Variants in NHLRC2 observed in about 807,000 individuals in gnomAD.
NHLRC2 encodes NHL repeat containing 2, also known as NHL repeat-containing protein 2.
In NHLRC2, 33 loss-of-function variants were observed where a neutral mutation model predicts 68.1. The observed-to-expected ratio is 0.48, with a 90% CI of 0.37 to 0.65. The LOEUF is 0.65. NHLRC2 is among the 30% of genes least tolerant of loss of function. NHLRC2 has a pLI of 0.00. For synonymous variants in NHLRC2, 311 were observed against 309.6 expected (o/e 1.00, Z -0.05); for missense variants, 761 against 853.8 (o/e 0.89, Z 1.35).
chr10:113,895,422 A>G (rs1846167823), intron 5 of NHLRC2, among the ~76,000 whole-genome samples: 1 of 152,172 alleles, frequency 6.6e-6, no homozygotes, highest in Non-Finnish European at 1.5e-5. Flanking sequence ...AGATAGTGAT[A>G]AATTCTACAG....
intron 6 of NHLRC2, among the ~76,000 whole-genome samples, chr10:113,900,755 G>A (rs1846220702): frequency 6.6e-6 from 1 of 152,120 alleles, no homozygotes; most frequent in Non-Finnish European, 1.5e-5. Context: ...TTTTATGCGT[G>A]CTAAATCCCT....
intron 1 of NHLRC2, among the ~76,000 whole-genome samples, chr10:113,858,269 G>C (rs1045896940): frequency 2.0e-5 from 3 of 147,882 alleles, no homozygotes; most frequent in Non-Finnish European, 4.5e-5. Flanking sequence ...TTGCCTTTTT[G>C]GTATGTTCTT....
At chr10:113,860,516 G>A (rs1845805046) in intron 2 of NHLRC2, among the ~76,000 whole-genome samples, 1 of 151,956 alleles carries the variant, frequency 6.6e-6, no homozygotes, top group Admixed American at 6.6e-5. Context: ...GAACAGGGAA[G>A]TACAGCCCAT....
chr10:113,911,969 G>A lies in NHLRC2; in HGVS notation c.*3433G>A, dbSNP rs565685010. On this transcript the variant is annotated 3_prime_UTR_variant, in exon 11 of 11. Coordinates refer to ENST00000369301, the MANE Select transcript of NHLRC2 (RefSeq NM_198514.4). ...TTAAAGAGTTAAAGTTAACTGAATC[G>A]TAAGCACTTATATAATAACTTTTTA... is the stretch of plus-strand genomic sequence containing the variant. 4.0e-4 allele frequency: 61 copies of A among 152,102 alleles called. No homozygotes were observed. Among genetic ancestry groups the A allele is most frequent in the African/African-American group, 1.4e-3 (57 of 41,526 alleles). 9.4% of individuals were successfully genotyped at this position (152,102 alleles called of 1,614,324 possible). A position where few individuals can be genotyped will look rare whatever the true frequency, so the allele number is the denominator to read the frequency against.
intron 2 of NHLRC2, among the ~76,000 whole-genome samples, chr10:113,860,540 A>AGT (rs1428502320): frequency 1.3e-5 from 2 of 152,216 alleles, no homozygotes; most frequent in Non-Finnish European, 2.9e-5. Context: ...AGAACAGGGA[A>AGT]GTACAGCCCA....
rs1846310254 is a variant in NHLRC2, at chr10:113,909,887, A to G, written c.*1351A>G. On this transcript the variant is annotated 3_prime_UTR_variant, in exon 11 of 11. Coordinates refer to ENST00000369301, the MANE Select transcript of NHLRC2 (RefSeq NM_198514.4). ...CCCTTCCCTGTAAAAACAGTGCTAA[A>G]TTTGAAGTGTAATCTTTTTTAAACA... The G allele has an allele frequency of 6.6e-6, 1 of 152,162 alleles. No individual in the cohort carries two copies. The highest frequency in any genetic ancestry group is 2.1e-4 in the South Asian group (1 of 4,824). The allele number at this position is 152,162 out of a possible 1,614,324, so 9.4% of individuals were successfully genotyped here. A position where few individuals can be genotyped will look rare whatever the true frequency, so the allele number is the denominator to read the frequency against.
At chr10:113,892,810 G>A (rs574625917) in intron 5 of NHLRC2, among the ~76,000 whole-genome samples, 2 of 152,168 alleles carry the variant, frequency 1.3e-5, no homozygotes, top group South Asian at 4.2e-4. Flanking sequence ...TGTGACTTTG[G>A]ACAAGTTTCA....
chr10:113,907,264 C>CT (rs1322698336), intron 10 of NHLRC2, among the ~76,000 whole-genome samples: 1 of 152,142 alleles, frequency 6.6e-6, no homozygotes, highest in Non-Finnish European at 1.5e-5. Context: ...ATCAAGAGGA[C>CT]TGATAAAGGC....
chr10:113,876,822 A>G lies in NHLRC2; in HGVS notation c.633A>G (p.Ile211Met). The G allele has an allele frequency of 1.9e-6, 3 of 1,612,908 alleles. No homozygotes were observed. Among genetic ancestry groups the G allele is most frequent in the Admixed American group, 1.7e-5 (1 of 59,932 alleles). Residue 211 changes from isoleucine to methionine, a missense_variant, in exon 3 of 11, where the codon ATA (isoleucine) becomes ATG (methionine). Physicochemically the swap from Ile to Met is conservative, Grantham distance 10. Transcript: ENST00000369301. ...RGQIRDNKIG[I>M]KLYKDSLPPS... The stretch of plus-strand genomic sequence containing the variant: ...AGATCAGAGATAATAAAATTGGAAT[A>G]AAACTCTATAAAGATTCTTTGCCAC...
chr10:113,882,303 C>T (rs1846042086), intron 4 of NHLRC2, among the ~76,000 whole-genome samples: 1 of 151,740 alleles, frequency 6.6e-6, no homozygotes, highest in Non-Finnish European at 1.5e-5. Flanking sequence ...ATTGCACCAT[C>T]TTACCTTCCC....
intron 2 of NHLRC2, among the ~76,000 whole-genome samples, chr10:113,866,306 A>G (rs1313320702): frequency 6.6e-6 from 1 of 152,246 alleles, no homozygotes; most frequent in Non-Finnish European, 1.5e-5. Flanking sequence ...ATTAATAATA[A>G]CTTAGTACAT....
chr10:113,866,337 G>T (rs1410441585), intron 2 of NHLRC2, among the ~76,000 whole-genome samples: 1 of 152,126 alleles, frequency 6.6e-6, no homozygotes, highest in Non-Finnish European at 1.5e-5. Context: ...AACTGCAAGT[G>T]ATATTTTACC....
At chr10:113,865,783 A>G (rs1405508325) in intron 2 of NHLRC2, among the ~76,000 whole-genome samples, 1 of 152,160 alleles carries the variant, frequency 6.6e-6, no homozygotes, top group Non-Finnish European at 1.5e-5. Context: ...AAAGATTTTT[A>G]TATTGATTAG....
Position 113,904,708 on chromosome 10 carries a change from T to G in NHLRC2, c.1705-109T>G, listed in dbSNP as rs371304285. 5.1e-6 allele frequency: 4 copies of G among 783,916 alleles called. 1 individual carries two copies. The allele number at this position is 783,916 out of a possible 1,614,324, so 48.6% of individuals were successfully genotyped here. On this transcript the variant is annotated intron_variant, in intron 9 of 10. Transcript: ENST00000369301. Reference sequence around the variant, plus strand: ...TAATTCAAACTAGAATGGCGATTAGTTTCATTGACATAGAACTTCATTATT... The same window carrying G: ...TAATTCAAACTAGAATGGCGATTAGGTTCATTGACATAGAACTTCATTATT...
At chr10:113,900,157 C>A (rs1285981753) in intron 6 of NHLRC2, among the ~76,000 whole-genome samples, 1 of 152,048 alleles carries the variant, frequency 6.6e-6, no homozygotes, top group Non-Finnish European at 1.5e-5. Flanking sequence ...TTCTACAAGC[C>A]TTTTTAGAAA....
intron 2 of NHLRC2, among the ~76,000 whole-genome samples, chr10:113,865,049 A>G (rs541245985): frequency 1.2e-4 from 18 of 151,290 alleles, no homozygotes; most frequent in Admixed American, 5.9e-4. Flanking sequence ...TCCCGGGTTC[A>G]AGCGATTCTC....
Position 113,901,905 on chromosome 10 carries a change from C to T in NHLRC2, c.1371+8C>T, listed in dbSNP as rs771822059. 2 of 1,578,160 alleles carry T rather than the reference C, an allele frequency of 1.3e-6. No homozygotes were observed. The highest frequency in any genetic ancestry group is 1.7e-6 in the Non-Finnish European group (2 of 1,147,252). On this transcript the variant is annotated splice_region_variant and intron_variant, in intron 7 of 10. Transcript: ENST00000369301. ...GGAGAAAGAGACCCCATGGTAATGA[C>T]AGTCACTCTTGCACAGTGCGCTCGG...
In NHLRC2 at chr10:113,916,532, C is replaced by T. The variant is rs997518013; in HGVS notation, c.*7996C>T. The T allele has an allele frequency of 3.3e-5, 5 of 152,018 alleles. No homozygotes were observed. The highest frequency in any genetic ancestry group is 4.8e-5 in the African/African-American group (2 of 41,378). The allele number at this position is 152,018 out of a possible 1,614,324, so 9.4% of individuals were successfully genotyped here. On this transcript the variant is annotated 3_prime_UTR_variant, in exon 11 of 11. Coordinates refer to ENST00000369301, the MANE Select transcript of NHLRC2 (RefSeq NM_198514.4). ...CCTTCCTAATTATATTTTACATAGG[C>T]TGTTTTTTTTAAGTTTAAATTCTCA...
chr10:113,889,410 T>TA (rs1276660807), intron 5 of NHLRC2, among the ~76,000 whole-genome samples: 1 of 152,162 alleles, frequency 6.6e-6, no homozygotes, highest in Non-Finnish European at 1.5e-5. Flanking sequence ...ATTTTTGCTT[T>TA]AAAAAAATCA....
Sources: gnomAD v4.1 joint callset for allele counts (sites outside exome capture counted in the v4.1 genomes callset) on GRCh38, gnomAD v4.1.1 for gene constraint, MANE v1.5 for transcripts, NCBI Gene and HGNC (gene_info 2026-07-23, HGNC 2026-07-21) for gene names.